HOPX: variants seen among roughly 807,000 people sequenced by gnomAD.
HOPX encodes the protein homeodomain-only protein.
HOPX carries 5 observed loss-of-function variants against 11.8 expected under a neutral mutation model. The ratio of observed to expected loss-of-function variants is 0.43; its 90% CI spans 0.22 to 0.89. The LOEUF is 0.89. Among genes scored for constraint, HOPX ranks in the 40% least tolerant of loss-of-function variants. The probability of loss-of-function intolerance (pLI) is 0.28; values close to 1 mark genes in which losing one functional copy is unlikely to be tolerated. For missense variants in HOPX, 119 were observed against 120.0 expected (o/e 0.99, Z 0.04); for synonymous variants, 49 against 49.7 (o/e 0.99, Z 0.06).
chr4:56,668,876 C>A (rs1718581611), intron 1 of HOPX, among the ~76,000 whole-genome samples: 1 of 152,184 alleles, frequency 6.6e-6, no homozygotes, highest in Admixed American at 6.5e-5. Flanking sequence ...ACTCACATAT[C>A]CTTGGCTGCT....
rs1189227291 is a variant in HOPX, at chr4:56,655,935, G to A, written c.120C>T (p.Asn40=). 1.9e-6 allele frequency: 3 copies of A among 1,611,820 alleles called. No individual in the cohort carries two copies. The highest frequency in any genetic ancestry group is 1.6e-4 in the Middle Eastern group (1 of 6,078). ...TGGAATCCGGGTGCTTGTCGACCTT[G>A]TTGAAGTTGTACTCCAGGATTTCCA... ...DQVEILEYNF[N]KVDKHPDSTT... The change falls in exon 3 of 4, where the codon AAC becomes AAT. Residue 40 remains asparagine, a synonymous_variant. Coordinates refer to ENST00000420433, the MANE Select transcript of HOPX (RefSeq NM_032495.6).
At position 56,648,532 on chromosome 4, in the gene HOPX, C is replaced by T; in HGVS notation, c.*188G>A. 2.3e-6 allele frequency: 1 copy of T among 439,098 alleles called. No individual in the cohort carries two copies. The highest frequency in any genetic ancestry group is 4.1e-6 in the Non-Finnish European group (1 of 243,828). 27.2% of individuals were successfully genotyped at this position (439,098 alleles called of 1,614,324 possible). A position where few individuals can be genotyped will look rare whatever the true frequency, so the allele number is the denominator to read the frequency against. ...TGCTTTACACAGAAGATACACATAGCTTCCTATTGTTATTTTCTTTTCTAA... is the reference window on the plus strand; with the variant it reads ...TGCTTTACACAGAAGATACACATAGTTTCCTATTGTTATTTTCTTTTCTAA... On this transcript the variant is annotated 3_prime_UTR_variant, in exon 4 of 4. Coordinates refer to ENST00000420433, the MANE Select transcript of HOPX (RefSeq NM_032495.6).
At chr4:56,652,910 G>A (rs1717347830) in intron 3 of HOPX, among the ~76,000 whole-genome samples, 1 of 152,186 alleles carries the variant, frequency 6.6e-6, no homozygotes, top group African/African-American at 2.4e-5. Flanking sequence ...GCAGGTCCTA[G>A]CCTCCATGGA....
intron 1 of HOPX, among the ~76,000 whole-genome samples, chr4:56,668,828 G>A (rs949007489): frequency 1.3e-5 from 2 of 152,156 alleles, no homozygotes; most frequent in African/African-American, 4.8e-5. Context: ...TGGGTGTGGA[G>A]TCAGGGCTGG....
chr4:56,673,302 G>A (rs978071756), intron 1 of HOPX, among the ~76,000 whole-genome samples: 1 of 152,072 alleles, frequency 6.6e-6, no homozygotes, highest in African/African-American at 2.4e-5. Flanking sequence ...GAGTGGGAGA[G>A]CAGGAGAAAT....
chr4:56,651,447 A>G (rs777609527), intron 3 of HOPX, among the ~76,000 whole-genome samples: 50 of 152,312 alleles, frequency 3.3e-4, no homozygotes, highest in Admixed American at 3.3e-3. Context: ...TCTCATGCAC[A>G]TCAGTGCTAA....
At position 56,669,929 on chromosome 4, in the gene HOPX, C is replaced by T. The variant is rs559618576; in HGVS notation, c.-84+11326G>A. Among the ~76,000 whole-genome samples the T allele has an allele frequency of 2.4e-3, 365 of 152,196 alleles. 1 individual carries two copies. Among genetic ancestry groups the T allele is most frequent in the Middle Eastern group, 0.01 (3 of 294 alleles). On this transcript the variant is annotated intron_variant, in intron 1 of 3. Transcript: ENST00000420433. ...CTTAACCACAGTGATGAACAGGAGG[C>T]TGTCTTTCACTCTTAAAAATGCATA...
chr4:56,662,502 C>T (rs1718201700), intron 1 of HOPX: 1 of 142,870 alleles, frequency 7.0e-6, no homozygotes, highest in African/African-American at 2.7e-5. Flanking sequence ...TTTTTTTAGA[C>T]GGAGTCTCAT....
chr4:56,664,370 A>T (rs1429788289), intron 1 of HOPX: 1 of 150,848 alleles, frequency 6.6e-6, no homozygotes, highest in Admixed American at 6.6e-5. Flanking sequence ...TCCTAGCCTC[A>T]AGTTATCCAC....
chr4:56,650,689 A>G, intron 3 of HOPX: 1 of 1,551,736 alleles, frequency 6.4e-7, no homozygotes, highest in South Asian at 1.2e-5. Flanking sequence ...ATACCTTTAC[A>G]CTGGGGCGGC....
upstream of HOPX, chr4:56,681,365 T>C (rs1719315586): frequency 3.0e-6 from 3 of 985,378 alleles, no homozygotes; most frequent in Non-Finnish European, 3.6e-6. Flanking sequence ...AGCACGTTTA[T>C]TTACGCCTAT....
chr4:56,662,466 TTTC>T (rs1221312057), intron 1 of HOPX: 1 of 134,796 alleles, frequency 7.4e-6, no homozygotes. Flanking sequence ...ATTTTCTTTC[TTTC>T]TTTCTTTCTT....
intron 3 of HOPX, chr4:56,650,451 GTA>G (rs925348534): frequency 8.0e-6 from 4 of 498,686 alleles, no homozygotes; most frequent in African/African-American, 7.9e-5. Flanking sequence ...AGGGAATTCA[GTA>G]TATAAGCCCA....
chr4:56,652,957 A>G (rs1717351360), intron 3 of HOPX, among the ~76,000 whole-genome samples: 1 of 152,240 alleles, frequency 6.6e-6, no homozygotes, highest in African/African-American at 2.4e-5. Flanking sequence ...CTATAAACAA[A>G]AATAATTTTA....
intron 1 of HOPX, among the ~76,000 whole-genome samples, chr4:56,666,292 TTCAAC>T (rs200376046): frequency 0.016 from 2,510 of 152,322 alleles, 79 homozygotes; most frequent in African/African-American, 0.058. Context: ...AAAGGCTGGC[TTCAAC>T]CAGACCAGCT....
At chr4:56,681,210 A>G in intron 1 of HOPX, 45 bp downstream of exon 1, 1 of 982,684 alleles carries the variant, frequency 1.0e-6, no homozygotes, top group Non-Finnish European at 1.2e-6. Flanking sequence ...TTCCTGCACA[A>G]ACTCATTCCT....
At chr4:56,651,867 A>AGTGTGTGTGTTTGTGTGTGT (rs1357851813) in intron 3 of HOPX, among the ~76,000 whole-genome samples, 54 of 128,434 alleles carry the variant, frequency 4.2e-4, no homozygotes, top group African/African-American at 1.7e-3. Context: ...AAAGAGAGAG[A>AGTGTGTGTGTTTGTGTGTGT]GAGAGAGTGT....
intron 2 of HOPX, 29 bp downstream of exon 2, chr4:56,657,746 T>G (rs1717852729): frequency 2.1e-6 from 2 of 951,612 alleles, no homozygotes; most frequent in Non-Finnish European, 3.3e-6. Flanking sequence ...ACACACAACT[T>G]CAGAGCTGGG....
chr4:56,676,190 C>G (rs1201425919), intron 1 of HOPX, among the ~76,000 whole-genome samples: 1 of 151,460 alleles, frequency 6.6e-6, no homozygotes, highest in African/African-American at 2.5e-5. Context: ...CCCAACTACT[C>G]TAGAGGCTGA....
Sources: gnomAD v4.1 joint callset for allele counts (sites outside exome capture counted in the v4.1 genomes callset) on GRCh38, gnomAD v4.1.1 for gene constraint, MANE v1.5 for transcripts, NCBI Gene and HGNC (gene_info 2026-07-23, HGNC 2026-07-21) for gene names.